The following FHIT variants were observed in gnomAD, a reference collection of about 807,000 sequenced individuals.
The protein encoded by FHIT is bis(5'-adenosyl)-triphosphatase.
A neutral mutation model predicts 17.9 loss-of-function variants in FHIT; 19 were observed. The observed-to-expected ratio is 1.06, with a 90% CI of 0.74 to 1.56. FHIT has a LOEUF of 1.56. Ranked by LOEUF, FHIT falls within the 40% of genes most tolerant of loss-of-function variation. The pLI is 0.00. For synonymous variants in FHIT, 81 were observed against 69.7 expected (o/e 1.16, Z -0.81); for missense variants, 248 against 189.2 (o/e 1.31, Z -1.82).
chr3:60,894,410 G>A lies in FHIT; in HGVS notation c.-110-72399C>T, dbSNP rs1705679980. On this transcript the variant is annotated intron_variant, in intron 3 of 9. Transcript: ENST00000492590. ...GCAAACAATTATGGTACTTCCAGGA[G>A]AGAAGGAGCACATAAATTCTGTCAC... is the stretch of plus-strand genomic sequence containing the variant. Among the ~76,000 whole-genome samples the A allele has an allele frequency of 2.0e-5, 3 of 152,156 alleles. No homozygotes were observed. In the South Asian group the frequency reaches 6.2e-4, roughly 32 times the overall value.
chr3:60,877,788 G>T (rs901268993), intron 3 of FHIT, among the ~76,000 whole-genome samples: 14 of 151,988 alleles, frequency 9.2e-5, no homozygotes, highest in Admixed American at 2.6e-4. Context: ...AGCTGGACTA[G>T]CCCACTAGAG....
intron 8 of FHIT, among the ~76,000 whole-genome samples, chr3:59,851,358 T>C (rs1701926868): frequency 6.6e-6 from 1 of 152,262 alleles, no homozygotes; most frequent in Non-Finnish European, 1.5e-5. Flanking sequence ...ATTTCTTATG[T>C]GCCAGACCTA....
At chr3:60,338,421 A>G (rs563171636) in intron 5 of FHIT, among the ~76,000 whole-genome samples, 1 of 152,164 alleles carries the variant, frequency 6.6e-6, no homozygotes, top group Non-Finnish European at 1.5e-5. Context: ...ACTCGAGTGC[A>G]GCGGCATGAT....
chr3:60,149,485 T>C (rs1372485216), intron 5 of FHIT, among the ~76,000 whole-genome samples: 1 of 152,134 alleles, frequency 6.6e-6, no homozygotes, highest in Non-Finnish European at 1.5e-5. Context: ...AACAAGTATA[T>C]GGTATTTTGA....
At chr3:61,061,874 C>G (rs1312610420) in intron 2 of FHIT, among the ~76,000 whole-genome samples, 1 of 152,158 alleles carries the variant, frequency 6.6e-6, no homozygotes, top group Non-Finnish European at 1.5e-5. Flanking sequence ...CACACAATTT[C>G]ATTCCCTGAG....
At chr3:59,796,315 C>A (rs1266609262) in intron 8 of FHIT, among the ~76,000 whole-genome samples, 5 of 152,160 alleles carry the variant, frequency 3.3e-5, no homozygotes, top group Non-Finnish European at 5.9e-5. Context: ...TCTAGCAACA[C>A]CCCCAGACCC....
intron 7 of FHIT, among the ~76,000 whole-genome samples, chr3:59,978,456 T>G (rs1388076573): frequency 6.6e-6 from 1 of 152,000 alleles, no homozygotes; most frequent in Non-Finnish European, 1.5e-5. Context: ...ATACCCATGA[T>G]GTAAATATTT....
At chr3:59,928,905 G>T (rs902466652) in intron 7 of FHIT, among the ~76,000 whole-genome samples, 1 of 136,890 alleles carries the variant, frequency 7.3e-6, no homozygotes, top group African/African-American at 2.7e-5. Context: ...TGAGGTAGGA[G>T]AATCTCTTAA....
chr3:59,854,807 G>C (rs945476284), intron 8 of FHIT, among the ~76,000 whole-genome samples: 1 of 86,870 alleles, frequency 1.2e-5, no homozygotes, highest in Non-Finnish European at 2.7e-5. Flanking sequence ...AGTGAGCAGA[G>C]AGAGAGGAGC....
At chr3:60,519,613 G>T (rs1232807880) in intron 5 of FHIT, among the ~76,000 whole-genome samples, 1 of 152,012 alleles carries the variant, frequency 6.6e-6, no homozygotes, top group African/African-American at 2.4e-5. Flanking sequence ...AAACCATAAG[G>T]AAGAGAAAAG....
At chr3:61,163,717 T>C (rs1185568722) in intron 2 of FHIT, among the ~76,000 whole-genome samples, 1 of 151,124 alleles carries the variant, frequency 6.6e-6, no homozygotes. Flanking sequence ...CAGTTTATTA[T>C]CTTTAGATCA....
chr3:60,711,986 T>A (rs1427644784), intron 4 of FHIT, among the ~76,000 whole-genome samples: 40 of 152,022 alleles, frequency 2.6e-4, no homozygotes, highest in African/African-American at 9.4e-4. Context: ...TTCACCAAAG[T>A]TGAAATGAAG....
At chr3:61,239,099 A>C (rs971600044) in intron 1 of FHIT, among the ~76,000 whole-genome samples, 5 of 152,156 alleles carry the variant, frequency 3.3e-5, no homozygotes, top group African/African-American at 9.7e-5. Context: ...TGTTCTGGCC[A>C]AAGGGAGGGG....
At chr3:61,041,666 C>T (rs1261804336) in intron 3 of FHIT, among the ~76,000 whole-genome samples, 3 of 146,912 alleles carry the variant, frequency 2.0e-5, no homozygotes, top group Non-Finnish European at 4.5e-5. Flanking sequence ...TATGATTCCA[C>T]AATTTAAAAA....
intron 8 of FHIT, among the ~76,000 whole-genome samples, chr3:59,797,170 G>C (rs986579977): frequency 1.3e-5 from 2 of 151,220 alleles, no homozygotes; most frequent in Non-Finnish European, 2.9e-5. Context: ...TCACCACAAA[G>C]TATTATTTTG....
At chr3:60,297,222 T>C (rs1708253124) in intron 5 of FHIT, among the ~76,000 whole-genome samples, 1 of 152,056 alleles carries the variant, frequency 6.6e-6, no homozygotes, top group South Asian at 2.1e-4. Flanking sequence ...AAACTCTGTA[T>C]CAACTTGGGA....
At chr3:61,030,343 C>T (rs1269261407) in intron 3 of FHIT, among the ~76,000 whole-genome samples, 1 of 152,196 alleles carries the variant, frequency 6.6e-6, no homozygotes, top group Non-Finnish European at 1.5e-5. Flanking sequence ...AAGAGACATT[C>T]ATTCGTTCAT....
chr3:60,390,396 T>TGAAAAAAAAAAAAAAAAAA (rs1701174274), intron 5 of FHIT, among the ~76,000 whole-genome samples: 3 of 32,030 alleles, frequency 9.4e-5, no homozygotes, highest in African/African-American at 3.7e-4. Context: ...GTAATGGAGC[T>TGAAAAAAAAAAAAAAAAAA]AAAAAAAAAA....
At chr3:60,213,801 G>C (rs1347678990) in intron 5 of FHIT, among the ~76,000 whole-genome samples, 1 of 152,150 alleles carries the variant, frequency 6.6e-6, no homozygotes, top group Non-Finnish European at 1.5e-5. Flanking sequence ...CTAATTAGCA[G>C]ATGAAAACTA....
Sources: allele counts gnomAD v4.1 joint callset (sites outside exome capture counted in the v4.1 genomes callset), GRCh38; gene constraint gnomAD v4.1.1; transcripts MANE v1.5; gene names NCBI Gene and HGNC (gene_info 2026-07-23, HGNC 2026-07-21).